Variants in RAB10 observed in about 807,000 individuals in gnomAD.
RAB10 encodes RAB10, member RAS oncogene family.
RAB10 carries 5 observed loss-of-function variants against 25.7 expected under a neutral mutation model. The observed-to-expected ratio is 0.19, with a 90% CI of 0.10 to 0.41. The LOEUF is 0.41. RAB10 is among the 10% of genes least tolerant of loss of function. The probability of loss-of-function intolerance (pLI) is 1.00; values close to 1 mark genes in which losing one functional copy is unlikely to be tolerated. For synonymous variants in RAB10, 89 were observed against 86.4 expected (o/e 1.03, Z -0.16); for missense variants, 103 against 245.8 (o/e 0.42, Z 3.89).
At chr2:26,075,507 A>G (rs981648744) in intron 1 of RAB10, among the ~76,000 whole-genome samples, 8 of 152,346 alleles carry the variant, frequency 5.3e-5, no homozygotes, top group African/African-American at 1.9e-4. Context: ...CTCTGATTAA[A>G]AAAAGCTCAA....
At chr2:26,122,026 C>T (rs1490799470) in intron 3 of RAB10, among the ~76,000 whole-genome samples, 1 of 152,178 alleles carries the variant, frequency 6.6e-6, no homozygotes, top group Non-Finnish European at 1.5e-5. Flanking sequence ...CCTTGAATAA[C>T]ACCATCAGAC....
chr2:26,066,777 A>ATTTTTTTTTTTTTTTTT (rs3065544), intron 1 of RAB10, among the ~76,000 whole-genome samples: 6 of 110,238 alleles, frequency 5.4e-5, no homozygotes, highest in African/African-American at 2.0e-4. Context: ...CATGCCATCA[A>ATTTTTTTTTTTTTTTTT]TTTTTTTTTT....
intron 1 of RAB10, among the ~76,000 whole-genome samples, chr2:26,069,036 C>CAT (rs1408382074): frequency 6.6e-6 from 1 of 152,150 alleles, no homozygotes; most frequent in Non-Finnish European, 1.5e-5. Flanking sequence ...TAATCTCTCA[C>CAT]ATATATATTC....
chr2:26,038,165 C>T (rs539402170), intron 1 of RAB10, among the ~76,000 whole-genome samples: 212 of 151,192 alleles, frequency 1.4e-3, no homozygotes, highest in African/African-American at 4.9e-3. Flanking sequence ...GGATTACAGG[C>T]GGAAGCCACC....
In RAB10 at chr2:26,068,863, G is replaced by GA. The variant is rs540575521; in HGVS notation, c.128-29796dup. Among the ~76,000 whole-genome samples the GA allele has an allele frequency of 1.3e-4, 20 of 152,282 alleles. No individual in the cohort carries two copies. The East Asian group carries it at 3.9e-3, about 29-fold the overall frequency. ...TTTACCTCTTCTGTAGAAGTCAGAT[G>GA]AAAGAGCTGTTTCAAAAATGTTTCA... On this transcript the variant is annotated intron_variant, in intron 1 of 5. Transcript: ENST00000264710.
At chr2:26,109,491 T>G (rs1006816316) in intron 2 of RAB10, among the ~76,000 whole-genome samples, 1 of 152,218 alleles carries the variant, frequency 6.6e-6, no homozygotes, top group Admixed American at 6.5e-5. Flanking sequence ...AAATCCTACC[T>G]GCTTTTGTGT....
At chr2:26,129,550 TAA>T (rs1667972169) in intron 5 of RAB10, among the ~76,000 whole-genome samples, 1 of 152,156 alleles carries the variant, frequency 6.6e-6, no homozygotes, top group Non-Finnish European at 1.5e-5. Flanking sequence ...TGAGCAATTA[TAA>T]GAGATTGAGT....
chr2:26,069,972 G>A (rs546763988), intron 1 of RAB10, among the ~76,000 whole-genome samples: 1 of 152,296 alleles, frequency 6.6e-6, no homozygotes, highest in Admixed American at 6.5e-5. Flanking sequence ...TTCCCAAAGT[G>A]CTGGGATTAC....
chr2:26,109,092 A>G (rs974697650), intron 2 of RAB10, among the ~76,000 whole-genome samples: 2 of 151,710 alleles, frequency 1.3e-5, no homozygotes, highest in Middle Eastern at 3.4e-3. Context: ...TTGTATTTTT[A>G]GTAGAGATGG....
chr2:26,077,089 CTTT>C (rs1349725833), intron 1 of RAB10, among the ~76,000 whole-genome samples: 3 of 152,092 alleles, frequency 2.0e-5, no homozygotes, highest in Non-Finnish European at 4.4e-5. Flanking sequence ...CATCTTAGGA[CTTT>C]TGTGAAATCT....
chr2:26,049,475 C>A (rs1444405591), intron 1 of RAB10, among the ~76,000 whole-genome samples: 1 of 150,572 alleles, frequency 6.6e-6, no homozygotes, highest in East Asian at 1.9e-4. Context: ...GTGGCACGAT[C>A]TCTGCTCACT....
intron 3 of RAB10, 91 bp downstream of exon 3, chr2:26,109,997 T>C (rs1005738455): frequency 4.6e-6 from 6 of 1,302,716 alleles, no homozygotes; most frequent in Admixed American, 2.8e-5. Flanking sequence ...CTTCAGGATA[T>C]AATGTACTGT....
chr2:26,098,336 A>G (rs146225759), intron 1 of RAB10, among the ~76,000 whole-genome samples: 2 of 152,076 alleles, frequency 1.3e-5, no homozygotes, highest in Non-Finnish European at 2.9e-5. Flanking sequence ...ACAGGGTTTC[A>G]CCATGTGCCC....
At chr2:26,049,429 A>G (rs1307607532) in intron 1 of RAB10, among the ~76,000 whole-genome samples, 2 of 143,056 alleles carry the variant, frequency 1.4e-5, no homozygotes, top group East Asian at 2.0e-4. Context: ...TTTTTTTGAG[A>G]TGGAGTTTAG....
intron 1 of RAB10, among the ~76,000 whole-genome samples, chr2:26,054,311 C>A (rs377164394): frequency 6.6e-6 from 1 of 151,942 alleles, no homozygotes; most frequent in East Asian, 1.9e-4. Flanking sequence ...GTCTTGGCCT[C>A]CCAAAGTACT....
chr2:26,077,807 G>A (rs151217813), intron 1 of RAB10, among the ~76,000 whole-genome samples: 15 of 152,032 alleles, frequency 9.9e-5, no homozygotes, highest in Admixed American at 7.9e-4. Context: ...GTGAAACTCC[G>A]TCTCTGTTAA....
intron 5 of RAB10, among the ~76,000 whole-genome samples, chr2:26,129,318 A>C (rs2149290176): frequency 6.6e-6 from 1 of 151,884 alleles, no homozygotes; most frequent in African/African-American, 2.4e-5. Context: ...ATCCTAAAAG[A>C]GAAGCAGATG....
At chr2:26,060,446 C>T (rs1666370916) in intron 1 of RAB10, among the ~76,000 whole-genome samples, 1 of 152,152 alleles carries the variant, frequency 6.6e-6, no homozygotes, top group Non-Finnish European at 1.5e-5. Flanking sequence ...GCGCTCACCA[C>T]CACATCTGGC....
At chr2:26,106,516 A>C (rs1397781263) in intron 2 of RAB10, among the ~76,000 whole-genome samples, 1 of 152,222 alleles carries the variant, frequency 6.6e-6, no homozygotes, top group Non-Finnish European at 1.5e-5. Context: ...ATTTCAAGCA[A>C]ATGGTGCTTG....
Sources: allele counts gnomAD v4.1 joint callset (sites outside exome capture counted in the v4.1 genomes callset), GRCh38; gene constraint gnomAD v4.1.1; transcripts MANE v1.5; gene names NCBI Gene and HGNC (gene_info 2026-07-23, HGNC 2026-07-21).